FAM110B: variants seen among roughly 807,000 people sequenced by gnomAD.
FAM110B encodes the protein protein FAM110B.
In FAM110B, 6 loss-of-function variants were observed where a neutral mutation model predicts 20.4. The observed-to-expected ratio is 0.29, with a 90% CI of 0.16 to 0.58. FAM110B has a LOEUF of 0.58. FAM110B is among the 20% of genes least tolerant of loss of function. The pLI, the probability that FAM110B is intolerant of heterozygous loss-of-function variation, is 0.90. For missense variants in FAM110B, 434 were observed against 498.2 expected (o/e 0.87, Z 1.23); for synonymous variants, 226 against 214.1 (o/e 1.06, Z -0.49).
At chr8:58,106,585 G>C (rs1390730507) in intron 3 of FAM110B, among the ~76,000 whole-genome samples, 1 of 152,132 alleles carries the variant, frequency 6.6e-6, no homozygotes, top group Non-Finnish European at 1.5e-5. Flanking sequence ...AGGGAAGGCA[G>C]ACTTATCAGC....
chr8:58,144,441 C>T (rs906216788), intron 3 of FAM110B, among the ~76,000 whole-genome samples: 7 of 152,142 alleles, frequency 4.6e-5, no homozygotes, highest in Admixed American at 1.3e-4. Context: ...CAAAATAGAA[C>T]CGCACAATTA....
At chr8:58,108,421 G>C (rs938859744) in intron 3 of FAM110B, among the ~76,000 whole-genome samples, 2 of 152,194 alleles carry the variant, frequency 1.3e-5, no homozygotes, top group Admixed American at 1.3e-4. Context: ...AGTCAGCCTG[G>C]TGTCACTTGC....
chr8:58,106,932 G>A (rs890247681), intron 3 of FAM110B, among the ~76,000 whole-genome samples: 3 of 152,166 alleles, frequency 2.0e-5, no homozygotes, highest in Admixed American at 6.5e-5. Context: ...GACGATAAGC[G>A]AGTTTTAACG....
At chr8:58,126,190 G>C (rs760891152) in intron 3 of FAM110B, among the ~76,000 whole-genome samples, 8 of 152,150 alleles carry the variant, frequency 5.3e-5, no homozygotes, top group Non-Finnish European at 8.8e-5. Context: ...TCATGCAGCT[G>C]TTCCTCAGAT....
chr8:58,003,666 T>A (rs1456673068), intron 1 of FAM110B, among the ~76,000 whole-genome samples: 1 of 152,198 alleles, frequency 6.6e-6, no homozygotes, highest in Non-Finnish European at 1.5e-5. Flanking sequence ...GGCATTGTAA[T>A]TGAGCAGTAA....
chr8:58,103,052 G>A (rs543721815), intron 3 of FAM110B, among the ~76,000 whole-genome samples: 2 of 147,462 alleles, frequency 1.4e-5, no homozygotes, highest in African/African-American at 2.5e-5. Flanking sequence ...AGCTTTGCAA[G>A]GCAGAACAAA....
intron 1 of FAM110B, among the ~76,000 whole-genome samples, chr8:58,017,074 G>A (rs7841308): frequency 0.18 from 27,874 of 152,136 alleles, 3,488 homozygotes; most frequent in African/African-American, 0.35. Flanking sequence ...GAGTTAGGGA[G>A]AGATGCCAGG....
At chr8:57,998,316 TG>T (rs1804225417) in intron 1 of FAM110B, among the ~76,000 whole-genome samples, 1 of 152,182 alleles carries the variant, frequency 6.6e-6, no homozygotes, top group South Asian at 2.1e-4. Flanking sequence ...TAATAAAGAA[TG>T]TTGGGTCTGT....
chr8:58,108,101 A>G (rs1322829537), intron 3 of FAM110B, among the ~76,000 whole-genome samples: 1 of 152,138 alleles, frequency 6.6e-6, no homozygotes, highest in Non-Finnish European at 1.5e-5. Context: ...TTTTCATGTA[A>G]TGTATTTTAT....
At chr8:58,015,069 G>A (rs778559420) in intron 1 of FAM110B, among the ~76,000 whole-genome samples, 11 of 152,118 alleles carry the variant, frequency 7.2e-5, no homozygotes, top group East Asian at 1.9e-4. Flanking sequence ...TTAAGATAAC[G>A]TTAAAGCCGG....
intron 3 of FAM110B, among the ~76,000 whole-genome samples, chr8:58,104,189 G>T (rs535805735): frequency 1.0e-3 from 158 of 152,246 alleles, no homozygotes; most frequent in African/African-American, 3.7e-3. Context: ...GTGTAATATG[G>T]AATCATGTGG....
chr8:58,041,378 C>A (rs1805217145), intron 2 of FAM110B, among the ~76,000 whole-genome samples: 1 of 152,214 alleles, frequency 6.6e-6, no homozygotes, highest in East Asian at 1.9e-4. Flanking sequence ...AGTTCCCACT[C>A]TTCTCCTATG....
At chr8:58,138,286 A>G (rs1293433658) in intron 3 of FAM110B, among the ~76,000 whole-genome samples, 1 of 152,194 alleles carries the variant, frequency 6.6e-6, no homozygotes, top group Non-Finnish European at 1.5e-5. Context: ...TTGGGCAGAC[A>G]TTGTTTTCTG....
At chr8:58,114,673 A>G (rs956566520) in intron 3 of FAM110B, among the ~76,000 whole-genome samples, 1 of 152,226 alleles carries the variant, frequency 6.6e-6, no homozygotes, top group Non-Finnish European at 1.5e-5. Flanking sequence ...TGAAGGTACA[A>G]GGGTTGAATA....
At chr8:58,050,180 A>G (rs1805411126) in intron 2 of FAM110B, among the ~76,000 whole-genome samples, 1 of 152,038 alleles carries the variant, frequency 6.6e-6, no homozygotes, top group Non-Finnish European at 1.5e-5. Flanking sequence ...TGAGGAGGAT[A>G]GAATATTCTT....
At chr8:58,102,112 C>T (rs1474380845) in intron 3 of FAM110B, among the ~76,000 whole-genome samples, 1 of 152,186 alleles carries the variant, frequency 6.6e-6, no homozygotes, top group Non-Finnish European at 1.5e-5. Context: ...TTCGCCAACA[C>T]TTTTCAAGAA....
At chr8:58,020,726 G>A (rs1372536425) in intron 1 of FAM110B, among the ~76,000 whole-genome samples, 1 of 152,166 alleles carries the variant, frequency 6.6e-6, no homozygotes, top group East Asian at 1.9e-4. Context: ...TGTCTAATTT[G>A]GGAGGCTGGG....
chr8:58,056,515 A>G (rs1805550479), intron 2 of FAM110B, among the ~76,000 whole-genome samples: 1 of 152,210 alleles, frequency 6.6e-6, no homozygotes, highest in African/African-American at 2.4e-5. Context: ...GCCTGATAAC[A>G]TTTAAAACTA....
At chr8:58,024,393 AT>A (rs1400657613) in intron 1 of FAM110B, among the ~76,000 whole-genome samples, 1 of 152,068 alleles carries the variant, frequency 6.6e-6, no homozygotes, top group African/African-American at 2.4e-5. Flanking sequence ...GAAAAGGAAA[AT>A]TTTCCAATTG....
Sources: allele counts gnomAD v4.1 joint callset (sites outside exome capture counted in the v4.1 genomes callset), GRCh38; gene constraint gnomAD v4.1.1; transcripts MANE v1.5; gene names NCBI Gene and HGNC (gene_info 2026-07-23, HGNC 2026-07-21).